The following FRAS1 variants were observed in gnomAD, a reference collection of about 807,000 sequenced individuals.
The protein encoded by FRAS1 is Fraser extracellular matrix complex subunit 1.
FRAS1 carries 290 observed loss-of-function variants against 435.2 expected under a neutral mutation model. The ratio of observed to expected loss-of-function variants is 0.67; its 90% CI spans 0.61 to 0.73. The LOEUF is 0.73. Ranked by LOEUF, FRAS1 falls within the 30% of genes least tolerant of loss-of-function variation. The probability of loss-of-function intolerance (pLI) is 0.00; values close to 1 mark genes in which losing one functional copy is unlikely to be tolerated. For missense variants in FRAS1, 4,860 were observed against 5,001.5 expected, an observed-to-expected ratio of 0.97 and a Z score of 0.85; for synonymous variants, 1,800 against 1,851.0, an observed-to-expected ratio of 0.97 and a Z score of 0.71.
At chr4:78,298,210 AT>A (rs1276326415) in intron 14 of FRAS1, among the ~76,000 whole-genome samples, 4 of 149,456 alleles carry the variant, frequency 2.7e-5, no homozygotes, top group Non-Finnish European at 4.4e-5. Context: ...ACTTAGCCTT[AT>A]AAAATATAAG....
chr4:78,057,950 G>C lies in FRAS1; in HGVS notation c.-60G>C. 6.5e-7 allele frequency: 1 copy of C among 1,547,794 alleles called. No homozygotes were observed. Among genetic ancestry groups the C allele is most frequent in the Non-Finnish European group, 8.9e-7 (1 of 1,122,936 alleles). ...TCCAAGCGCCGGAGCCAGCGTTTTG[G>C]CGGAGCCGCTTCTTGGATGCTGAAG... On this transcript the variant is annotated 5_prime_UTR_variant, in exon 1 of 74. Transcript: ENST00000512123. This position sits in a 1 kb window ranked among gnomAD's most constrained non-coding sequence, Gnocchi z 4.2.
chr4:78,212,061 A>T (rs1241959776), intron 2 of FRAS1, among the ~76,000 whole-genome samples: 1 of 152,224 alleles, frequency 6.6e-6, no homozygotes, highest in East Asian at 1.9e-4. Context: ...CATTGGATGC[A>T]TATGTATGTA....
At chr4:78,441,848 C>G (rs941585563) in intron 41 of FRAS1, among the ~76,000 whole-genome samples, 6 of 152,236 alleles carry the variant, frequency 3.9e-5, no homozygotes, top group African/African-American at 1.4e-4. Context: ...CTGTGACACT[C>G]TCTTCCACAG....
chr4:78,439,481 G>A (rs1160670476), intron 40 of FRAS1, among the ~76,000 whole-genome samples: 1 of 152,176 alleles, frequency 6.6e-6, no homozygotes, highest in Non-Finnish European at 1.5e-5. Context: ...TGTGGGCAGA[G>A]CAATACAATG....
intron 13 of FRAS1, 113 bp downstream of exon 13, chr4:78,284,661 A>C (rs1031903194): frequency 1.0e-6 from 1 of 984,314 alleles, no homozygotes; most frequent in African/African-American, 1.7e-5. Context: ...TCATGCATGC[A>C]GCATGTTTTT....
chr4:78,125,416 G>A (rs753730884), intron 2 of FRAS1, among the ~76,000 whole-genome samples: 1 of 152,058 alleles, frequency 6.6e-6, no homozygotes, highest in Non-Finnish European at 1.5e-5. Context: ...CAATTATCTG[G>A]TCAATTTTAG....
Position 78,194,945 on chromosome 4 carries a change from G to A in FRAS1, c.109-42565G>A, listed in dbSNP as rs564712584. ...TTGATGGTGGTGATGTACAGATGGG[G>A]TTTTCGTGTGGATGTCCTTTCTGTT... On this transcript the variant is annotated intron_variant, in intron 2 of 73. Transcript: ENST00000512123. Among the ~76,000 whole-genome samples the A allele has an allele frequency of 1.2e-4, 18 of 152,230 alleles. No homozygotes were observed. The South Asian group carries it at 3.7e-3, about 32-fold the overall frequency.
chr4:78,259,844 G>A lies in FRAS1; in HGVS notation c.603+4469G>A, dbSNP rs1045125431. 5.9e-5 allele frequency among the ~76,000 whole-genome samples: 9 copies of A among 151,634 alleles called. No homozygotes were observed. The South Asian group carries it at 6.3e-4, about 11-fold the overall frequency. ...TCTAGGGTTTTTATGGTTTTAGGTT[G>A]AACGTTTAAGTCTTTAATCCATCTT... On this transcript the variant is annotated intron_variant, in intron 6 of 73. Coordinates refer to ENST00000512123, the MANE Select transcript of FRAS1 (RefSeq NM_025074.7).
rs1212207048 is a variant in FRAS1, at chr4:78,120,714, T to C, written c.108+54698T>C. 6.6e-5 allele frequency among the ~76,000 whole-genome samples: 10 copies of C among 152,330 alleles called. No individual in the cohort carries two copies. The East Asian group carries it at 1.4e-3, about 21-fold the overall frequency. ...GCACACTCTTGTGGGTAGCAGACTTTAGGGGTCTATCCCATAATGATTCAC... is the reference window on the plus strand; with the variant it reads ...GCACACTCTTGTGGGTAGCAGACTTCAGGGGTCTATCCCATAATGATTCAC... On this transcript the variant is annotated intron_variant, in intron 2 of 73. Transcript: ENST00000512123.
At chr4:78,282,531 A>C (rs1252178619) in intron 11 of FRAS1, among the ~76,000 whole-genome samples, 3 of 152,222 alleles carry the variant, frequency 2.0e-5, no homozygotes, top group East Asian at 3.8e-4. Context: ...TGCCTTTTAC[A>C]TATTCTGTTA....
chr4:78,445,396 C>T, intron 41 of FRAS1, 126 bp from the exon 42 acceptor site: 1 of 1,287,214 alleles, frequency 7.8e-7, no homozygotes, highest in Non-Finnish European at 1.0e-6. Context: ...TTATCCCACT[C>T]TCCCAACTTT....
chr4:78,065,328 T>C (rs1739980301), intron 1 of FRAS1, among the ~76,000 whole-genome samples: 1 of 151,206 alleles, frequency 6.6e-6, no homozygotes, highest in South Asian at 2.1e-4. Context: ...CTATATGTAG[T>C]ACACACACAC....
Position 78,407,761 on chromosome 4 carries a change from A to T in FRAS1, c.4228A>T (p.Thr1410Ser). 6.2e-7 allele frequency: 1 copy of T among 1,613,782 alleles called. No homozygotes were observed. Among genetic ancestry groups the T allele is most frequent in the Non-Finnish European group, 8.5e-7 (1 of 1,179,822 alleles). The change falls in exon 31 of 74, where the codon ACC (threonine) becomes TCC (serine). Residue 1410 changes from threonine (T) to serine (S), a missense_variant. By Grantham distance (58) the Thr-to-Ser change is moderately conservative (BLOSUM62 1). Transcript: ENST00000512123. ...GRTATPTSTF[T>S]QQDINEGIVW... is the part of the protein sequence containing the mutation. ...GACAGCTACCCCCACCAGCACCTTCACCCAGCAGGACATCAATGAAGGCAT... is the reference window on the plus strand; with the variant it reads ...GACAGCTACCCCCACCAGCACCTTCTCCCAGCAGGACATCAATGAAGGCAT...
rs560577673 is a variant in FRAS1, at chr4:78,354,050, A to G, written c.2423-9463A>G. On this transcript the variant is annotated intron_variant, in intron 20 of 73. Coordinates refer to ENST00000512123, the MANE Select transcript of FRAS1 (RefSeq NM_025074.7). ...AAAAAAAAAAAAAAAAAAAAGCTTC[A>G]AGATACATGGTAAGAGTGATGCTCA... is the stretch of plus-strand genomic sequence containing the variant. 7.4e-5 allele frequency among the ~76,000 whole-genome samples: 11 copies of G among 149,632 alleles called. 1 individual carries two copies. Among genetic ancestry groups the G allele is most frequent in the Admixed American group, 6.7e-5 (1 of 14,906 alleles).
At chr4:78,408,856 G>C (rs940542145) in intron 31 of FRAS1, among the ~76,000 whole-genome samples, 2 of 152,128 alleles carry the variant, frequency 1.3e-5, no homozygotes, top group African/African-American at 2.4e-5. Context: ...GGGCATAGTG[G>C]CTCACACTTG....
intron 2 of FRAS1, among the ~76,000 whole-genome samples, chr4:78,131,924 T>C (rs7699120): frequency 0.17 from 25,575 of 152,246 alleles, 2,325 homozygotes; most frequent in Admixed American, 0.21. Flanking sequence ...ATTTAAGTAG[T>C]TGCTGATAAG....
At chr4:78,354,018 T>TAAAAAAAAAAAA (rs1730744898) in intron 20 of FRAS1, among the ~76,000 whole-genome samples, 3 of 7,562 alleles carry the variant, frequency 4.0e-4, no homozygotes, top group South Asian at 2.6e-3. Context: ...AAAAAAAAAA[T>TAAAAAAAAAAAA]AAAATAAAAA....
intron 30 of FRAS1, among the ~76,000 whole-genome samples, chr4:78,404,450 A>C (rs1329982792): frequency 6.6e-6 from 1 of 150,504 alleles, no homozygotes; most frequent in Non-Finnish European, 1.5e-5. Context: ...ACCCGTCTGC[A>C]GAGAATCCCA....
intron 38 of FRAS1, among the ~76,000 whole-genome samples, chr4:78,433,426 A>T (rs1261260382): frequency 2.6e-5 from 4 of 152,200 alleles, no homozygotes. Flanking sequence ...ACTAATCTTA[A>T]AGTTCCAACT....
Sources: gnomAD v4.1 joint callset for allele counts (sites outside exome capture counted in the v4.1 genomes callset) on GRCh38, gnomAD v4.1.1 for gene constraint, Gnocchi (gnomAD v3.1) non-coding constraint, MANE v1.5 for transcripts, NCBI Gene and HGNC (gene_info 2026-07-23, HGNC 2026-07-21) for gene names.